ZEB2: variants seen among roughly 807,000 people sequenced by gnomAD.
ZEB2 encodes the protein zinc finger E-box-binding homeobox 2.
A neutral mutation model predicts 99.9 loss-of-function variants in ZEB2; 6 were observed. The observed-to-expected ratio is 0.06, with a 90% CI of 0.03 to 0.12. The LOEUF is 0.12. ZEB2 is among the 10% of genes least tolerant of loss of function. The pLI is 1.00. For synonymous variants in ZEB2, 517 were observed against 542.5 expected (o/e 0.95, Z 0.65); for missense variants, 969 against 1,502.8 (o/e 0.64, Z 5.87).
At chr2:144,435,976 G>A (rs1360684314) in intron 2 of ZEB2, among the ~76,000 whole-genome samples, 5 of 151,612 alleles carry the variant, frequency 3.3e-5, no homozygotes, top group African/African-American at 1.2e-4. Flanking sequence ...GTGCTTGGGT[G>A]GGTAAAGATC....
chr2:144,419,162 T>C (rs1042143946), intron 4 of ZEB2, among the ~76,000 whole-genome samples: 23 of 152,196 alleles, frequency 1.5e-4, no homozygotes, highest in African/African-American at 5.3e-4. Context: ...AATTCAAGTG[T>C]AGGTAATTGG....
chr2:144,482,927 T>C (rs890412663), intron 2 of ZEB2, among the ~76,000 whole-genome samples: 1 of 152,178 alleles, frequency 6.6e-6, no homozygotes, highest in African/African-American at 2.4e-5. Context: ...TGTGCTTTTA[T>C]ATATGGAGGG....
At chr2:144,463,178 A>G (rs367777693) in intron 2 of ZEB2, 1 of 152,170 alleles carries the variant, frequency 6.6e-6, no homozygotes, top group South Asian at 2.1e-4. Flanking sequence ...TGGCTATCGT[A>G]CGCCGTGGTG....
At chr2:144,507,926 G>A (rs573072291) in intron 2 of ZEB2, among the ~76,000 whole-genome samples, 3 of 152,116 alleles carry the variant, frequency 2.0e-5, no homozygotes, top group Non-Finnish European at 4.4e-5. Context: ...TTATATTTAT[G>A]TACTCCTGCT....
At chr2:144,414,881 T>C (rs962843510) in intron 4 of ZEB2, among the ~76,000 whole-genome samples, 1 of 151,992 alleles carries the variant, frequency 6.6e-6, no homozygotes, top group African/African-American at 2.4e-5. Context: ...CAATTCTAAA[T>C]AGCAACATTA....
intron 4 of ZEB2, among the ~76,000 whole-genome samples, chr2:144,409,145 T>A (rs1703424929): frequency 6.6e-6 from 1 of 152,134 alleles, no homozygotes; most frequent in African/African-American, 2.4e-5. Flanking sequence ...GTTGACCACC[T>A]TCCTTAAATT....
intron 3 of ZEB2, chr2:144,428,783 A>T (rs1573742782): frequency 6.6e-6 from 1 of 152,170 alleles, no homozygotes; most frequent in Admixed American, 6.5e-5. Context: ...TCACAACAGC[A>T]TATAGGTAGA....
At chr2:144,516,434 T>TCCCC (rs1206005776) in intron 2 of ZEB2, 1 of 52,522 alleles carries the variant, frequency 1.9e-5, no homozygotes, top group East Asian at 4.3e-4. Flanking sequence ...TACCAAACTC[T>TCCCC]CACCCCCCCC....
intron 2 of ZEB2, among the ~76,000 whole-genome samples, chr2:144,437,811 C>T (rs1468854992): frequency 2.0e-5 from 3 of 152,168 alleles, no homozygotes; most frequent in Admixed American, 1.3e-4. Context: ...GAAAAGGTTA[C>T]ACAACTTTCA....
At chr2:144,423,139 A>G (rs1703642081) in intron 4 of ZEB2, among the ~76,000 whole-genome samples, 1 of 152,212 alleles carries the variant, frequency 6.6e-6, no homozygotes, top group Admixed American at 6.5e-5. Flanking sequence ...ATTGATTTTT[A>G]AACCTTCTGA....
At chr2:144,411,548 G>A (rs1407808556) in intron 4 of ZEB2, among the ~76,000 whole-genome samples, 2 of 152,208 alleles carry the variant, frequency 1.3e-5, no homozygotes, top group African/African-American at 4.8e-5. Context: ...AAACAACCGT[G>A]AGGGAAGAGG....
intron 1 of ZEB2, among the ~76,000 whole-genome samples, chr2:144,519,084 G>A (rs1214022216): frequency 6.6e-6 from 1 of 152,090 alleles, no homozygotes; most frequent in Non-Finnish European, 1.5e-5. Context: ...TCTCTCTCTC[G>A]ACTTTTCAGT....
In ZEB2 at chr2:144,409,504, A is replaced by C. The variant is rs568502903; in HGVS notation, c.404-4480T>G. ...CTCTTTGGAAGAACTGCCAAAACAC[A>C]CTGACAAAGGATATTTGCATGGTAT... On this transcript the variant is annotated intron_variant, in intron 4 of 9. Coordinates refer to ENST00000627532, the MANE Select transcript of ZEB2 (RefSeq NM_014795.4). Among the ~76,000 whole-genome samples, 36 of 152,264 alleles carry C rather than the reference A, an allele frequency of 2.4e-4. No individual in the cohort carries two copies. In the South Asian group the frequency reaches 7.5e-3, roughly 32 times the overall value.
intron 2 of ZEB2, among the ~76,000 whole-genome samples, chr2:144,488,131 C>T (rs1344980104): frequency 1.3e-5 from 2 of 152,168 alleles, no homozygotes; most frequent in African/African-American, 4.8e-5. Flanking sequence ...ATATCTGTGT[C>T]CACAGCATAC....
intron 2 of ZEB2, among the ~76,000 whole-genome samples, chr2:144,505,081 A>T (rs1318953322): frequency 6.6e-6 from 1 of 152,042 alleles, no homozygotes; most frequent in Non-Finnish European, 1.5e-5. Context: ...TGTCAGGGGG[A>T]AAAAACGCAC....
intron 2 of ZEB2, chr2:144,496,258 G>A (rs140496782): frequency 6.6e-6 from 1 of 152,208 alleles, no homozygotes; most frequent in Non-Finnish European, 1.5e-5. Context: ...GGCCGAGGAA[G>A]GCCTTAATGT....
intron 2 of ZEB2, among the ~76,000 whole-genome samples, chr2:144,490,113 C>T (rs114721169): frequency 0.022 from 3,356 of 152,218 alleles, 56 homozygotes; most frequent in Admixed American, 0.033. Flanking sequence ...TAATTAAACA[C>T]CTAGTTCCCT....
rs13017697 is a variant in ZEB2 at position 144,399,748 on chromosome 2, G to A, written c.1439C>T (p.Ala480Val). 1 of 1,613,876 alleles carries A rather than the reference G, an allele frequency of 6.2e-7. No homozygotes were observed. Among genetic ancestry groups the A allele is most frequent in the South Asian group, 1.1e-5 (1 of 91,068 alleles). The change falls in exon 8 of 10, where the codon GCT (alanine) becomes GTT (valine). Residue 480 changes from alanine (A) to valine (V), a missense_variant. Around this residue, in one of 8 missense-constraint regions of ZEB2, gnomAD observed 227 missense variants for 278.2 expected, o/e 0.82. Transcript: ENST00000627532. This position sits in a 1 kb window ranked among gnomAD's most constrained non-coding sequence, Gnocchi z 5.6. The part of the protein sequence containing the change: ...TVSRQKMDCK[A>V]EEISKLKGYH... ...ACCTTTCAACTTTGAAATTTCTTCA[G>A]CCTTGCAGTCCATTTTTTGCCTGGA... is the stretch of plus-strand genomic sequence containing the variant.
In ZEB2 at chr2:144,440,509, ATATATATTTTTTTTTTTT is replaced by A. The variant is rs1342752433; in HGVS notation, c.74-10501_74-10484del. On this transcript the variant is annotated intron_variant, in intron 2 of 9. Coordinates refer to ENST00000627532, the MANE Select transcript of ZEB2 (RefSeq NM_014795.4). ...AGTATATATATATATATATATATAT[ATATATATTTTTTTTTTTT>A]TTTTTTTTTTTTTTTAACTAGTGGT... Among the ~76,000 whole-genome samples the A allele has an allele frequency of 3.1e-3, 89 of 28,940 alleles. 2 individuals carry two copies. Among genetic ancestry groups the A allele is most frequent in the Admixed American group, 0.013 (29 of 2,304 alleles). 19.0% of individuals were successfully genotyped at this position (28,940 alleles called of 152,430 possible).
Sources: gnomAD v4.1 joint callset for allele counts (sites outside exome capture counted in the v4.1 genomes callset) on GRCh38, gnomAD v4.1.1 for gene constraint, gnomAD v4.1.1 regional missense constraint, Gnocchi (gnomAD v3.1) non-coding constraint, MANE v1.5 for transcripts, NCBI Gene and HGNC (gene_info 2026-07-23, HGNC 2026-07-21) for gene names.